OTUD3: variants seen among roughly 807,000 people sequenced by gnomAD.
The protein encoded by OTUD3 is OTU domain-containing protein 3.
In OTUD3, 24 loss-of-function variants were observed where a neutral mutation model predicts 46.2. The ratio of observed to expected loss-of-function variants is 0.52; its 90% confidence interval spans 0.38 to 0.73. The LOEUF is 0.73. Among genes scored for constraint, OTUD3 ranks in the 30% least tolerant of loss-of-function variants. OTUD3 has a pLI of 0.00. For missense variants in OTUD3, 455 were observed against 523.3 expected (o/e 0.87, Z 1.27); for synonymous variants, 189 against 195.4 (o/e 0.97, Z 0.27).
intron 1 of OTUD3, 134 bp downstream of exon 1, chr1:19,882,868 C>G: frequency 1.3e-6 from 1 of 761,152 alleles, no homozygotes; most frequent in Non-Finnish European, 1.8e-6. Flanking sequence ...AGCCACGCTC[C>G]GAGTGCAGGG....
chr1:19,891,352 A>T (rs2045443442), intron 2 of OTUD3, among the ~76,000 whole-genome samples: 1 of 152,262 alleles, frequency 6.6e-6, no homozygotes, highest in Non-Finnish European at 1.5e-5. Context: ...TGGCATTTTC[A>T]TCACAGGGCT....
rs1246297169 is a variant in OTUD3 at position 19,907,849 on chromosome 1, G to A, written c.*103G>A. The A allele has an allele frequency of 2.7e-5, 29 of 1,070,132 alleles. No homozygotes were observed. The highest frequency in any genetic ancestry group is 3.4e-5 in the Non-Finnish European group (25 of 739,126). 66.3% of individuals were successfully genotyped at this position (1,070,132 alleles called of 1,614,324 possible). A position where few individuals can be genotyped will look rare whatever the true frequency, so the allele number is the denominator to read the frequency against. The stretch of plus-strand genomic sequence containing the variant: ...TTTTATAAAACGCAACACAACCAAC[G>A]AAGCCCACACATGAGCTCACACACT... On this transcript the variant is annotated 3_prime_UTR_variant, in exon 8 of 8. Coordinates refer to ENST00000375120, the MANE Select transcript of OTUD3 (RefSeq NM_015207.2).
chr1:19,904,511 G>A, intron 5 of OTUD3, 113 bp downstream of exon 5: 2 of 903,884 alleles, frequency 2.2e-6, no homozygotes, highest in South Asian at 1.7e-5. Flanking sequence ...GGCCAAAATA[G>A]GCCCATGAGA....
rs1157324299 is a variant in OTUD3 at position 19,907,838 on chromosome 1, A to G, written c.*92A>G. The G allele has an allele frequency of 9.1e-6, 11 of 1,210,502 alleles. No homozygotes were observed. In the Admixed American group the frequency reaches 1.3e-4, roughly 15 times the overall value. The allele number at this position is 1,210,502 out of a possible 1,614,324, so 75.0% of individuals were successfully genotyped here. A position where few individuals can be genotyped will look rare whatever the true frequency, so the allele number is the denominator to read the frequency against. ...TGAGGCCGTCCTTTTATAAAACGCA[A>G]CACAACCAACGAAGCCCACACATGA... On this transcript the variant is annotated 3_prime_UTR_variant, in exon 8 of 8. Coordinates refer to ENST00000375120, the MANE Select transcript of OTUD3 (RefSeq NM_015207.2).
Position 19,907,649 on chromosome 1 carries a change from T to C in OTUD3, c.1100T>C (p.Leu367Pro), listed in dbSNP as rs1292503452. 6.2e-7 allele frequency: 1 copy of C among 1,614,142 alleles called. No homozygotes were observed. Among genetic ancestry groups the C allele is most frequent in the East Asian group, 2.2e-5 (1 of 44,878 alleles). ...RQEERHRHKA[L>P]ESRGSHRDNN... ...GAGGAGAGGCACCGCCACAAAGCCC[T>C]GGAGAGCAGAGGTAGCCACAGGGAC... Residue 367 changes from leucine (L) to proline (P), a missense_variant, in exon 8 of 8, where the codon CTG (leucine) becomes CCG (proline). Transcript: ENST00000375120.
chr1:19,906,354 T>G, intron 6 of OTUD3, 78 bp from the exon 7 acceptor site: 1 of 1,290,476 alleles, frequency 7.7e-7, no homozygotes, highest in Non-Finnish European at 1.0e-6. Context: ...ACCCAGGTAA[T>G]TTTGGAATCA....
In OTUD3 at chr1:19,894,370, G is replaced by A; in HGVS notation, c.373G>A (p.Ala125Thr). Residue 125 changes from alanine to threonine, a missense_variant and splice_region_variant, in exon 3 of 8, where the codon GCC becomes ACC. Ala to Thr is a moderately conservative substitution (Grantham distance 58). Transcript: ENST00000375120. ...TTTTCTTTCCTATTTCCATGCAGTG[G>A]CCAGTTTGGCAAAGCCTGGTACTTT... Reference protein sequence around the residue: ...EDDIPFEKHVASLAKPGTFAG... With the variant: ...EDDIPFEKHVTSLAKPGTFAG... 3.2e-6 allele frequency: 5 copies of A among 1,586,532 alleles called. No individual in the cohort carries two copies. The highest frequency in any genetic ancestry group is 4.3e-6 in the Non-Finnish European group (5 of 1,162,908).
At chr1:19,894,037 A>G (rs185255400) in intron 2 of OTUD3, among the ~76,000 whole-genome samples, 1 of 152,338 alleles carries the variant, frequency 6.6e-6, no homozygotes, top group Admixed American at 6.5e-5. Context: ...TTGACACATA[A>G]CAACCATTCA....
rs1571190204 is a variant in OTUD3, at chr1:19,910,163, A to G, written c.*2417A>G. Reference sequence around the variant, plus strand: ...GAGGCCCAGTATGTCTAGTCCTGGGATGACTGTTGTCAGCAGCTGTTACTC... The same window carrying G: ...GAGGCCCAGTATGTCTAGTCCTGGGGTGACTGTTGTCAGCAGCTGTTACTC... On this transcript the variant is annotated 3_prime_UTR_variant, in exon 8 of 8. Coordinates refer to ENST00000375120, the MANE Select transcript of OTUD3 (RefSeq NM_015207.2). 1 of 152,352 alleles carries G rather than the reference A, an allele frequency of 6.6e-6. No homozygotes were observed. Among genetic ancestry groups the G allele is most frequent in the Admixed American group, 6.5e-5 (1 of 15,276 alleles). 9.4% of individuals were successfully genotyped at this position (152,352 alleles called of 1,614,324 possible). A position where few individuals can be genotyped will look rare whatever the true frequency, so the allele number is the denominator to read the frequency against.
At chr1:19,894,293 G>A in intron 2 of OTUD3, 75 bp from the exon 3 acceptor site, 3 of 802,080 alleles carry the variant, frequency 3.7e-6, no homozygotes, top group Non-Finnish European at 4.1e-6. Flanking sequence ...TTGGAACTCA[G>A]TAAATACCAA....
intron 3 of OTUD3, among the ~76,000 whole-genome samples, chr1:19,894,771 C>T (rs1281508289): frequency 6.6e-6 from 1 of 152,174 alleles, no homozygotes. Context: ...CAGGCTGTCA[C>T]CCCCTAAAGT....
chr1:19,898,086 T>G (rs534194483), intron 4 of OTUD3, among the ~76,000 whole-genome samples: 18 of 151,914 alleles, frequency 1.2e-4, no homozygotes, highest in Non-Finnish European at 2.2e-4. Flanking sequence ...GTAGCTGGGA[T>G]TACAGGCATG....
intron 1 of OTUD3, among the ~76,000 whole-genome samples, chr1:19,886,682 C>T (rs1052996698): frequency 1.3e-5 from 2 of 152,200 alleles, no homozygotes; most frequent in African/African-American, 4.8e-5. Flanking sequence ...AGTCTAGATG[C>T]TCAACTAGTG....
Position 19,907,568 on chromosome 1 carries a change from A to G in OTUD3, c.1021-2A>G. On this transcript the variant is annotated splice_acceptor_variant, in intron 7 of 7. Coordinates refer to ENST00000375120, the MANE Select transcript of OTUD3 (RefSeq NM_015207.2). LOFTEE classifies it high-confidence loss of function. Reference sequence around the variant, plus strand: ...ACTCACCACCATGGCCTTCTCTCTCAGGTCACAAACAAACAGAGGCGAGAA... The same window carrying G: ...ACTCACCACCATGGCCTTCTCTCTCGGGTCACAAACAAACAGAGGCGAGAA... 6.2e-7 allele frequency: 1 copy of G among 1,613,810 alleles called. No homozygotes were observed. Among genetic ancestry groups the G allele is most frequent in the East Asian group, 2.2e-5 (1 of 44,874 alleles).
Position 19,911,665 on chromosome 1 carries a change from G to A in OTUD3, c.*3919G>A, listed in dbSNP as rs2045735173. ...AGCCTCCCAAAGTGCTAGGATTACG[G>A]GTGTGAGCAACCCTGCCCGGCCAGT... is the stretch of plus-strand genomic sequence containing the variant. On this transcript the variant is annotated 3_prime_UTR_variant, in exon 8 of 8. Coordinates refer to ENST00000375120, the MANE Select transcript of OTUD3 (RefSeq NM_015207.2). 1 of 152,182 alleles carries A rather than the reference G, an allele frequency of 6.6e-6. No individual in the cohort carries two copies. The highest frequency in any genetic ancestry group is 2.1e-4 in the South Asian group (1 of 4,814). The allele number at this position is 152,182 out of a possible 1,614,324, so 9.4% of individuals were successfully genotyped here. A position where few individuals can be genotyped will look rare whatever the true frequency, so the allele number is the denominator to read the frequency against.
At chr1:19,888,064 G>C (rs937037162) in intron 1 of OTUD3, among the ~76,000 whole-genome samples, 1 of 152,164 alleles carries the variant, frequency 6.6e-6, no homozygotes, top group East Asian at 1.9e-4. Flanking sequence ...CTCAAGCAGG[G>C]ATGATTTTGC....
chr1:19,899,425 A>G (rs887216961), intron 4 of OTUD3, among the ~76,000 whole-genome samples: 3 of 152,208 alleles, frequency 2.0e-5, no homozygotes, highest in African/African-American at 7.2e-5. Flanking sequence ...TTGGGATTTA[A>G]TTCATGGTAG....
At chr1:19,887,740 C>G (rs1341122638) in intron 1 of OTUD3, among the ~76,000 whole-genome samples, 1 of 152,162 alleles carries the variant, frequency 6.6e-6, no homozygotes, top group African/African-American at 2.4e-5. Flanking sequence ...GGCCAAACAT[C>G]ACTAGTAGTT....
intron 4 of OTUD3, among the ~76,000 whole-genome samples, chr1:19,901,669 AG>A (rs1169692448): frequency 6.6e-6 from 1 of 152,196 alleles, no homozygotes; most frequent in African/African-American, 2.4e-5. Context: ...TCCATTAAGC[AG>A]TGACTCCCAA....
Sources: allele counts gnomAD v4.1 joint callset (sites outside exome capture counted in the v4.1 genomes callset), GRCh38; gene constraint gnomAD v4.1.1; transcripts MANE v1.5; gene names NCBI Gene and HGNC (gene_info 2026-07-23, HGNC 2026-07-21).